The following MAP2 variants were observed in gnomAD, a reference collection of about 807,000 sequenced individuals.
MAP2 encodes the protein microtubule-associated protein 2.
In MAP2, 14 loss-of-function variants were observed where a neutral mutation model predicts 137.6. That is an observed-to-expected ratio of 0.10 (90% CI 0.07 to 0.16). The LOEUF (loss-of-function observed/expected upper bound fraction) is 0.16, where lower values mean the gene tolerates loss of function less well. MAP2 is among the 10% of genes least tolerant of loss of function. The pLI is 1.00. For missense variants in MAP2, 2,088 were observed against 2,191.5 expected (o/e 0.95, Z 0.94); for synonymous variants, 786 against 782.3 (o/e 1.00, Z -0.08).
At chr2:209,560,481 CTTTTTTTTTT>C (rs61613421) in intron 2 of MAP2, among the ~76,000 whole-genome samples, 2 of 137,374 alleles carry the variant, frequency 1.5e-5, no homozygotes, top group Non-Finnish European at 3.2e-5. Flanking sequence ...CTTTGAGATT[CTTTTTTTTTT>C]TTTTTTGAGA....
intron 2 of MAP2, among the ~76,000 whole-genome samples, chr2:209,526,138 T>G (rs946678431): frequency 6.6e-6 from 1 of 152,134 alleles, no homozygotes; most frequent in Non-Finnish European, 1.5e-5. Flanking sequence ...TTACAGAAGG[T>G]CTGATAATTC....
At chr2:209,566,325 G>T (rs1382960530) in intron 2 of MAP2, among the ~76,000 whole-genome samples, 1 of 152,158 alleles carries the variant, frequency 6.6e-6, no homozygotes, top group Non-Finnish European at 1.5e-5. Context: ...GATTTATAAG[G>T]CTGTATTGGA....
chr2:209,481,454 G>T (rs535892531), intron 1 of MAP2, among the ~76,000 whole-genome samples: 2 of 152,100 alleles, frequency 1.3e-5, no homozygotes, highest in African/African-American at 4.8e-5. Flanking sequence ...GGGACTGGGC[G>T]GTACACCAAA....
intron 2 of MAP2, among the ~76,000 whole-genome samples, chr2:209,509,150 T>G (rs185475971): frequency 2.0e-5 from 3 of 152,084 alleles, no homozygotes; most frequent in Middle Eastern, 3.4e-3. Flanking sequence ...TTATAGTTTA[T>G]ATGGTAAACA....
chr2:209,587,192 A>G (rs2077976856), intron 3 of MAP2, among the ~76,000 whole-genome samples: 1 of 151,926 alleles, frequency 6.6e-6, no homozygotes, highest in South Asian at 2.1e-4. Flanking sequence ...GATTTCCAGT[A>G]CAGTACTGAG....
intron 3 of MAP2, among the ~76,000 whole-genome samples, chr2:209,618,536 C>A (rs910139259): frequency 1.3e-5 from 2 of 152,102 alleles, no homozygotes; most frequent in African/African-American, 2.4e-5. Context: ...ATTTTTTTCT[C>A]CTACCACATG....
chr2:209,575,225 A>C (rs2075110052), intron 2 of MAP2, among the ~76,000 whole-genome samples: 1 of 152,152 alleles, frequency 6.6e-6, no homozygotes, highest in Non-Finnish European at 1.5e-5. Flanking sequence ...TGATTACAAA[A>C]TATATGGCAA....
At chr2:209,690,044 G>A (rs1188526944) in intron 7 of MAP2, among the ~76,000 whole-genome samples, 1 of 152,150 alleles carries the variant, frequency 6.6e-6, no homozygotes, top group Non-Finnish European at 1.5e-5. Flanking sequence ...TAAGGTAGTT[G>A]GTTGGATATT....
chr2:209,503,858 C>T (rs1001977635), intron 1 of MAP2, among the ~76,000 whole-genome samples: 1 of 152,162 alleles, frequency 6.6e-6, no homozygotes, highest in East Asian at 1.9e-4. Flanking sequence ...ACAAAGTTCA[C>T]ATACCTAAAA....
rs142077353 is a variant in MAP2 at position 209,682,689 on chromosome 2, G to A, written c.454+1862G>A. ...CCAGAAGCATGAGGAGGAAGTGTTG[G>A]CCAAATAAAGATAGAAAAAAGCACA... On this transcript the variant is annotated intron_variant, in intron 7 of 15. Transcript: ENST00000682079. 3.3e-5 allele frequency among the ~76,000 whole-genome samples: 5 copies of A among 152,166 alleles called. No homozygotes were observed. In the East Asian group the frequency reaches 9.7e-4, roughly 30 times the overall value.
intron 14 of MAP2, among the ~76,000 whole-genome samples, chr2:209,728,550 C>A (rs1402295567): frequency 6.6e-6 from 1 of 152,162 alleles, no homozygotes; most frequent in Admixed American, 6.5e-5. Flanking sequence ...TTTCAAGAGG[C>A]CCCTGGCCAG....
At chr2:209,567,276 G>A (rs2073646199) in intron 2 of MAP2, among the ~76,000 whole-genome samples, 1 of 152,022 alleles carries the variant, frequency 6.6e-6, no homozygotes, top group Non-Finnish European at 1.5e-5. Context: ...AACACATCAA[G>A]TTTGCCCCTA....
chr2:209,638,555 C>T (rs2093750822), intron 4 of MAP2, among the ~76,000 whole-genome samples: 1 of 151,998 alleles, frequency 6.6e-6, no homozygotes, highest in African/African-American at 2.4e-5. Flanking sequence ...TTTACCTTTC[C>T]CTGGAGAAAA....
intron 1 of MAP2, among the ~76,000 whole-genome samples, chr2:209,455,835 G>C (rs1575250428): frequency 6.6e-6 from 1 of 152,100 alleles, no homozygotes. Context: ...ACACCTTACT[G>C]ACTGACCCAC....
intron 1 of MAP2, among the ~76,000 whole-genome samples, chr2:209,497,819 C>G (rs2150074017): frequency 6.6e-6 from 1 of 152,296 alleles, no homozygotes; most frequent in African/African-American, 2.4e-5. Flanking sequence ...GGGATCACCT[C>G]CATGATCCAA....
chr2:209,542,888 A>T (rs1425960215), intron 2 of MAP2, among the ~76,000 whole-genome samples: 1 of 152,226 alleles, frequency 6.6e-6, no homozygotes, highest in African/African-American at 2.4e-5. Flanking sequence ...TATCAACAAT[A>T]AGGCTTTTCA....
intron 1 of MAP2, among the ~76,000 whole-genome samples, chr2:209,474,896 A>G (rs531525463): frequency 2.0e-5 from 3 of 152,194 alleles, no homozygotes; most frequent in East Asian, 1.9e-4. Flanking sequence ...TCTGAATCCA[A>G]TTTGGTCAGG....
chr2:209,611,791 C>T (rs2086972937), intron 3 of MAP2, among the ~76,000 whole-genome samples: 1 of 152,064 alleles, frequency 6.6e-6, no homozygotes, highest in Admixed American at 6.5e-5. Flanking sequence ...AACTGTCTGA[C>T]ACTTTCTAAA....
chr2:209,424,568 T>TA (rs1574420890), intron 1 of MAP2, among the ~76,000 whole-genome samples: 1 of 152,298 alleles, frequency 6.6e-6, no homozygotes, highest in African/African-American at 2.4e-5. Context: ...ACTGAAAACT[T>TA]ACGCCAGGTT....
Sources: allele counts gnomAD v4.1 joint callset (sites outside exome capture counted in the v4.1 genomes callset), GRCh38; gene constraint gnomAD v4.1.1; transcripts MANE v1.5; gene names NCBI Gene and HGNC (gene_info 2026-07-23, HGNC 2026-07-21).